The following RBFOX1 variants were observed in gnomAD, a reference collection of about 807,000 sequenced individuals.
RBFOX1 encodes the protein RNA binding protein fox-1 homolog 1.
Under a neutral mutation model 57.7 loss-of-function variants are expected in RBFOX1, and 8 were observed. That is an observed-to-expected ratio of 0.14 (90% CI 0.08 to 0.25). The LOEUF is 0.25. Among genes scored for constraint, RBFOX1 ranks in the 10% least tolerant of loss-of-function variants. The pLI, the probability that RBFOX1 is intolerant of heterozygous loss-of-function variation, is 1.00. For missense variants in RBFOX1, 611 were observed against 548.5 expected, an observed-to-expected ratio of 1.11 and a Z score of -1.14; for synonymous variants, 326 against 222.4, an observed-to-expected ratio of 1.47 and a Z score of -4.15.
At chr16:7,517,336 G>T (rs757861903) in intron 4 of RBFOX1, among the ~76,000 whole-genome samples, 3 of 152,028 alleles carry the variant, frequency 2.0e-5, no homozygotes, top group African/African-American at 4.8e-5. Context: ...TAGATCTGAA[G>T]AATGAATTGT....
intron 2 of RBFOX1, among the ~76,000 whole-genome samples, chr16:6,594,741 A>G (rs2097760157): frequency 2.0e-5 from 3 of 151,922 alleles, no homozygotes; most frequent in Non-Finnish European, 4.4e-5. Flanking sequence ...ACTATATGGT[A>G]TGCGTATGCC....
intron 3 of RBFOX1, among the ~76,000 whole-genome samples, chr16:5,700,198 A>G (rs767117521): frequency 4.0e-4 from 61 of 152,186 alleles, no homozygotes; most frequent in Non-Finnish European, 6.5e-4. Flanking sequence ...TGAAGTCAGC[A>G]TTTAAAAAGA....
chr16:6,231,770 T>C (rs1486441729), intron 1 of RBFOX1, among the ~76,000 whole-genome samples: 1 of 152,200 alleles, frequency 6.6e-6, no homozygotes, highest in Non-Finnish European at 1.5e-5. Flanking sequence ...GGCCTTTTAT[T>C]TTCCAGCACA....
rs563964984 is a variant in RBFOX1, at chr16:6,667,656, G to C, written c.-16+13006G>C. Among the ~76,000 whole-genome samples, 47 of 152,146 alleles carry C rather than the reference G, an allele frequency of 3.1e-4. No homozygotes were observed. The South Asian group carries it at 9.4e-3, about 30-fold the overall frequency. On this transcript the variant is annotated intron_variant, in intron 3 of 15. Coordinates refer to ENST00000550418, the MANE Select transcript of RBFOX1 (RefSeq NM_018723.4). Reference sequence around the variant, plus strand: ...TAGCGCTTTTTGGACACAAGTGGGAGGATTACTTGAGCTCGGGAGTTTGAG... The same window carrying C: ...TAGCGCTTTTTGGACACAAGTGGGACGATTACTTGAGCTCGGGAGTTTGAG...
intron 3 of RBFOX1, among the ~76,000 whole-genome samples, chr16:6,833,941 T>G (rs887296258): frequency 6.6e-6 from 1 of 152,102 alleles, no homozygotes; most frequent in Non-Finnish European, 1.5e-5. Context: ...CAGAGTGATG[T>G]GACAAGGGGC....
At chr16:7,696,857 G>T (rs112752619) in intron 14 of RBFOX1, among the ~76,000 whole-genome samples, 7 of 152,234 alleles carry the variant, frequency 4.6e-5, no homozygotes, top group East Asian at 1.9e-4. Flanking sequence ...TAAAGTGAAC[G>T]TGTGACCCAT....
Position 7,440,838 on chromosome 16 carries a change from T to C in RBFOX1, c.28-77309T>C, listed in dbSNP as rs577233562. ...CCCTCAAGGGGGCTACAAGGAATTT[T>C]TCAGGGTCCAGCGTGGCCTAATATG... On this transcript the variant is annotated intron_variant, in intron 4 of 15. Coordinates refer to ENST00000550418, the MANE Select transcript of RBFOX1 (RefSeq NM_018723.4). 5.9e-5 allele frequency among the ~76,000 whole-genome samples: 9 copies of C among 152,296 alleles called. No individual in the cohort carries two copies. In the East Asian group the frequency reaches 1.7e-3, roughly 29 times the overall value.
intron 4 of RBFOX1, among the ~76,000 whole-genome samples, chr16:7,195,919 T>C (rs537306866): frequency 6.6e-6 from 1 of 152,230 alleles, no homozygotes; most frequent in Non-Finnish European, 1.5e-5. Flanking sequence ...GAATAAAGGT[T>C]AGCCCACGTG....
chr16:5,430,090 C>T (rs963859685), intron 1 of RBFOX1, among the ~76,000 whole-genome samples: 1 of 152,196 alleles, frequency 6.6e-6, no homozygotes, highest in South Asian at 2.1e-4. Flanking sequence ...ATTTATTGAG[C>T]TCCTCTGACA....
chr16:6,092,774 A>C (rs530732689), intron 1 of RBFOX1: 2 of 152,278 alleles, frequency 1.3e-5, no homozygotes, highest in South Asian at 4.1e-4. Flanking sequence ...CAGTAGTGCC[A>C]TGCTGTTTTG....
chr16:6,601,256 C>T (rs1036477815), intron 2 of RBFOX1, among the ~76,000 whole-genome samples: 3 of 152,016 alleles, frequency 2.0e-5, no homozygotes, highest in South Asian at 2.1e-4. Context: ...GCATATAATT[C>T]CAACTAGGGC....
intron 4 of RBFOX1, among the ~76,000 whole-genome samples, chr16:7,144,417 C>CT (rs1190886141): frequency 0.013 from 844 of 66,936 alleles, 13 homozygotes; most frequent in African/African-American, 0.017. Flanking sequence ...TTTCTTTCTT[C>CT]TTTTTTTTTT....
At chr16:5,411,330 G>C (rs2067016165) in intron 1 of RBFOX1, among the ~76,000 whole-genome samples, 1 of 152,192 alleles carries the variant, frequency 6.6e-6, no homozygotes, top group Non-Finnish European at 1.5e-5. Flanking sequence ...TAAGAGAGAA[G>C]TAGCAGAGTC....
At chr16:5,781,142 C>T (rs986878447) in intron 3 of RBFOX1, among the ~76,000 whole-genome samples, 3 of 152,100 alleles carry the variant, frequency 2.0e-5, no homozygotes, top group African/African-American at 7.2e-5. Context: ...GAACAGTCAC[C>T]GAAAAGTATG....
At chr16:6,680,447 T>C (rs2058479955) in intron 3 of RBFOX1, among the ~76,000 whole-genome samples, 1 of 151,980 alleles carries the variant, frequency 6.6e-6, no homozygotes, top group African/African-American at 2.4e-5. Context: ...GTATTTTTAG[T>C]AGAGACGAGG....
At chr16:7,184,755 C>T (rs557391853) in intron 4 of RBFOX1, among the ~76,000 whole-genome samples, 34 of 152,144 alleles carry the variant, frequency 2.2e-4, no homozygotes, top group Non-Finnish European at 4.4e-4. Context: ...AGAACTTGAG[C>T]TTTTCAAGTC....
chr16:6,115,928 C>A (rs1299716813), intron 1 of RBFOX1, among the ~76,000 whole-genome samples: 1 of 151,980 alleles, frequency 6.6e-6, no homozygotes, highest in African/African-American at 2.4e-5. Context: ...TCTCTAGTAC[C>A]CAAAGGATTA....
chr16:6,116,547 C>G (rs1451252226), intron 1 of RBFOX1, among the ~76,000 whole-genome samples: 1 of 152,108 alleles, frequency 6.6e-6, no homozygotes, highest in Non-Finnish European at 1.5e-5. Context: ...AGCCACTTAC[C>G]CACCTGCTTG....
At chr16:5,652,229 A>C (rs1227848556) in intron 3 of RBFOX1, among the ~76,000 whole-genome samples, 1 of 152,206 alleles carries the variant, frequency 6.6e-6, no homozygotes, top group African/African-American at 2.4e-5. Flanking sequence ...ACCACTTAGC[A>C]CTTTATATAT....
Sources: allele counts gnomAD v4.1 joint callset (sites outside exome capture counted in the v4.1 genomes callset), GRCh38; gene constraint gnomAD v4.1.1; transcripts MANE v1.5; gene names NCBI Gene and HGNC (gene_info 2026-07-23, HGNC 2026-07-21).